The following ERBB4 variants were observed in gnomAD, a reference collection of about 807,000 sequenced individuals.
ERBB4 encodes the protein erb-b2 receptor tyrosine kinase 4.
A neutral mutation model predicts 158.0 loss-of-function variants in ERBB4; 42 were observed. The observed-to-expected ratio is 0.27, with a 90% CI of 0.21 to 0.34. ERBB4 has a LOEUF of 0.34. Ranked by LOEUF, ERBB4 falls within the 10% of genes least tolerant of loss-of-function variation. The pLI, the probability that ERBB4 is intolerant of heterozygous loss-of-function variation, is 1.00. For synonymous variants in ERBB4, 583 were observed against 558.7 expected, an observed-to-expected ratio of 1.04 and a Z score of -0.61; for missense variants, 1,333 against 1,624.1, an observed-to-expected ratio of 0.82 and a Z score of 3.08.
At chr2:212,170,589 T>C (rs1254938548) in intron 1 of ERBB4, among the ~76,000 whole-genome samples, 1 of 152,080 alleles carries the variant, frequency 6.6e-6, no homozygotes, top group African/African-American at 2.4e-5. Flanking sequence ...GAAAAAATGG[T>C]TTAGCAGGCT....
chr2:211,765,644 T>C (rs1324504028), intron 4 of ERBB4, among the ~76,000 whole-genome samples: 2 of 152,174 alleles, frequency 1.3e-5, no homozygotes, highest in African/African-American at 2.4e-5. Flanking sequence ...TAAGGACCCT[T>C]AGACATTTGT....
At chr2:211,571,041 C>CTT (rs549254649) in intron 19 of ERBB4, among the ~76,000 whole-genome samples, 9,868 of 108,814 alleles carry the variant, frequency 0.091, 1,182 homozygotes, top group African/African-American at 0.17. Flanking sequence ...TACTCTTCTT[C>CTT]TTTTTTTTTT....
chr2:211,695,837 G>A (rs1311907284), intron 12 of ERBB4, among the ~76,000 whole-genome samples: 1 of 152,036 alleles, frequency 6.6e-6, no homozygotes, highest in Non-Finnish European at 1.5e-5. Flanking sequence ...CACATTACAT[G>A]TGTATATATG....
At chr2:212,393,092 T>C (rs772896553) in intron 1 of ERBB4, among the ~76,000 whole-genome samples, 1 of 152,008 alleles carries the variant, frequency 6.6e-6, no homozygotes, top group Non-Finnish European at 1.5e-5. Flanking sequence ...TTTCTACCAT[T>C]AAATATGCCT....
At chr2:212,503,717 G>A (rs1319645441) in intron 1 of ERBB4, among the ~76,000 whole-genome samples, 1 of 152,210 alleles carries the variant, frequency 6.6e-6, no homozygotes, top group Non-Finnish European at 1.5e-5. Context: ...GTCATGCTGT[G>A]TCATGTTGTA....
intron 19 of ERBB4, among the ~76,000 whole-genome samples, chr2:211,572,348 G>A (rs1171205712): frequency 6.6e-6 from 1 of 152,084 alleles, no homozygotes; most frequent in African/African-American, 2.4e-5. Flanking sequence ...CAGGTATGAC[G>A]CTAACAATCT....
At chr2:211,702,908 G>C (rs1357455662) in intron 11 of ERBB4, among the ~76,000 whole-genome samples, 1 of 151,946 alleles carries the variant, frequency 6.6e-6, no homozygotes, top group African/African-American at 2.4e-5. Flanking sequence ...TTTTACTATA[G>C]TCCACATTTT....
intron 1 of ERBB4, among the ~76,000 whole-genome samples, chr2:212,291,452 TAA>T (rs1359098055): frequency 8.5e-5 from 13 of 152,252 alleles, no homozygotes; most frequent in Admixed American, 2.6e-4. Flanking sequence ...GCATTAAAAT[TAA>T]GTTAATTTTG....
At chr2:212,217,687 C>T (rs1371422812) in intron 1 of ERBB4, among the ~76,000 whole-genome samples, 1 of 151,252 alleles carries the variant, frequency 6.6e-6, no homozygotes, top group Non-Finnish European at 1.5e-5. Flanking sequence ...TAAACAGACC[C>T]ATTAAAACAT....
chr2:211,573,738 C>T (rs987866636), intron 19 of ERBB4, among the ~76,000 whole-genome samples: 2 of 151,704 alleles, frequency 1.3e-5, no homozygotes, highest in African/African-American at 4.8e-5. Flanking sequence ...CTACAGGAAA[C>T]AATTACAATT....
chr2:211,618,478 G>A (rs574896673), intron 19 of ERBB4, among the ~76,000 whole-genome samples: 3 of 151,890 alleles, frequency 2.0e-5, no homozygotes, highest in African/African-American at 4.8e-5. Flanking sequence ...CAGAGAACAC[G>A]TAGCATATAA....
chr2:212,531,463 G>C (rs112794414), intron 1 of ERBB4, among the ~76,000 whole-genome samples: 1 of 152,072 alleles, frequency 6.6e-6, no homozygotes, highest in Admixed American at 6.6e-5. Context: ...TCTTAGTTAG[G>C]GCCATGATGA....
chr2:212,446,589 ATG>A (rs1491531986), intron 1 of ERBB4, among the ~76,000 whole-genome samples: 947 of 22,422 alleles, frequency 0.042, 109 homozygotes, highest in African/African-American at 0.17. Context: ...ATATATATAT[ATG>A]TATATATATA....
At chr2:212,320,411 T>C (rs1457293476) in intron 1 of ERBB4, among the ~76,000 whole-genome samples, 3 of 148,750 alleles carry the variant, frequency 2.0e-5, no homozygotes, top group Non-Finnish European at 4.5e-5. Flanking sequence ...CAGTTCCTGA[T>C]CACGTTCCTT....
chr2:211,954,323 A>G (rs1366329191), intron 2 of ERBB4, among the ~76,000 whole-genome samples: 2 of 152,094 alleles, frequency 1.3e-5, no homozygotes, highest in African/African-American at 2.4e-5. Flanking sequence ...CTAAGTATGT[A>G]AAACTCTTAT....
At chr2:211,452,725 A>C (rs1251103765) in intron 20 of ERBB4, among the ~76,000 whole-genome samples, 1 of 152,188 alleles carries the variant, frequency 6.6e-6, no homozygotes. Context: ...CTTCAGGTCT[A>C]TACATTTCAT....
At chr2:212,156,405 T>C (rs1268377890) in intron 1 of ERBB4, among the ~76,000 whole-genome samples, 2 of 152,102 alleles carry the variant, frequency 1.3e-5, no homozygotes, top group African/African-American at 4.8e-5. Flanking sequence ...TCTGTATAAA[T>C]AGAAGTGGTG....
intron 2 of ERBB4, among the ~76,000 whole-genome samples, chr2:212,021,452 T>C (rs2076647235): frequency 1.3e-5 from 2 of 151,990 alleles, no homozygotes; most frequent in African/African-American, 2.4e-5. Context: ...ACAAACCTGA[T>C]GAAAACAAGC....
At position 211,375,857 on chromosome 2, in the gene ERBB4, G is replaced by A. The variant is rs962364205; in HGVS notation, c.*7758C>T. Reference sequence around the variant, plus strand: ...AGTATGGAATGAGGCAAAGCAGTTCGCATTCTATAATTGCCTTGTACAGGT... The same window carrying A: ...AGTATGGAATGAGGCAAAGCAGTTCACATTCTATAATTGCCTTGTACAGGT... On this transcript the variant is annotated 3_prime_UTR_variant, in exon 28 of 28. Coordinates refer to ENST00000342788, the MANE Select transcript of ERBB4 (RefSeq NM_005235.3). The A allele has an allele frequency of 1.7e-5, 4 of 232,456 alleles. No homozygotes were observed. The highest frequency in any genetic ancestry group is 3.6e-4 in the South Asian group (2 of 5,516). 14.4% of individuals were successfully genotyped at this position (232,456 alleles called of 1,614,324 possible).
Sources: allele counts gnomAD v4.1 joint callset (sites outside exome capture counted in the v4.1 genomes callset), GRCh38; gene constraint gnomAD v4.1.1; transcripts MANE v1.5; gene names NCBI Gene and HGNC (gene_info 2026-07-23, HGNC 2026-07-21).